The following TNRC6A variants were observed in gnomAD, a reference collection of about 807,000 sequenced individuals.
The protein encoded by TNRC6A is trinucleotide repeat containing adaptor 6A, also known as trinucleotide repeat-containing gene 6A protein.
In TNRC6A, 44 loss-of-function variants were observed where a neutral mutation model predicts 221.2. The observed-to-expected ratio is 0.20, with a 90% CI of 0.16 to 0.26. TNRC6A has a LOEUF of 0.26. TNRC6A is among the 10% of genes least tolerant of loss of function. The probability of loss-of-function intolerance (pLI) is 1.00; values close to 1 mark genes in which losing one functional copy is unlikely to be tolerated. For synonymous variants in TNRC6A, 847 were observed against 838.5 expected, an observed-to-expected ratio of 1.01 and a Z score of -0.18; for missense variants, 2,199 against 2,404.4, an observed-to-expected ratio of 0.91 and a Z score of 1.79.
chr16:24,680,136 A>G lies in TNRC6A; in HGVS notation n.402+39127A>G, dbSNP rs977053186. Reference sequence around the variant, plus strand: ...CACAGTTTTTAAAAATTTTATATGAAGAATATATTTGGCCAGGTACAGTGG... The same window carrying G: ...CACAGTTTTTAAAAATTTTATATGAGGAATATATTTGGCCAGGTACAGTGG... On this transcript the variant is annotated intron_variant and non_coding_transcript_variant, in intron 2 of 2. Coordinates refer to the TNRC6A transcript ENST00000566108. 6.6e-5 allele frequency among the ~76,000 whole-genome samples: 10 copies of G among 152,172 alleles called. No homozygotes were observed. The East Asian group carries it at 1.5e-3, about 24-fold the overall frequency.
At chr16:24,642,440 C>A (rs1208773547) in intron 2 of TNRC6A, among the ~76,000 whole-genome samples, 1 of 152,094 alleles carries the variant, frequency 6.6e-6, no homozygotes, top group Non-Finnish European at 1.5e-5. Flanking sequence ...TAGGTTATAT[C>A]CCATGCAAGG....
intron 2 of TNRC6A, among the ~76,000 whole-genome samples, chr16:24,733,965 A>G (rs899621337): frequency 2.6e-5 from 4 of 152,190 alleles, no homozygotes; most frequent in Admixed American, 6.5e-5. Context: ...TGAGCCCAGG[A>G]GTTTGAGACC....
At chr16:24,743,405 G>A (rs891326962) in intron 2 of TNRC6A, among the ~76,000 whole-genome samples, 4 of 152,002 alleles carry the variant, frequency 2.6e-5, no homozygotes, top group Non-Finnish European at 5.9e-5. Flanking sequence ...CTCACTGTGC[G>A]ACCTCTGCTT....
intron 2 of TNRC6A, among the ~76,000 whole-genome samples, chr16:24,642,948 G>A (rs1902030103): frequency 6.6e-6 from 1 of 150,846 alleles, no homozygotes; most frequent in African/African-American, 2.4e-5. Context: ...GGAGATTGAG[G>A]TGGAAGGATG....
rs769330280 is a variant in TNRC6A at position 24,823,825 on chromosome 16, CACCGACCGGG to C, written c.*22_*31del. ...CCATGTAACAGTGTAGATGCAGACT[CACCGACCGGG>C]ACCTCAGACGCGAGGGAAAGGAGCA... On this transcript the variant is annotated 3_prime_UTR_variant, in exon 25 of 25. Transcript: ENST00000395799. The surrounding 1 kb of genome is among the most constrained non-coding windows in gnomAD (Gnocchi z 4.3). 7.3e-6 allele frequency: 10 copies of C among 1,377,836 alleles called. No homozygotes were observed. The highest frequency in any genetic ancestry group is 1.9e-4 in the Middle Eastern group (1 of 5,206). 85.4% of individuals were successfully genotyped at this position (1,377,836 alleles called of 1,614,324 possible). A position where few individuals can be genotyped will look rare whatever the true frequency, so the allele number is the denominator to read the frequency against.
At chr16:24,652,413 G>A (rs1902723238) in intron 2 of TNRC6A, among the ~76,000 whole-genome samples, 1 of 152,126 alleles carries the variant, frequency 6.6e-6, no homozygotes, top group Admixed American at 6.5e-5. Context: ...CTGAAACTGG[G>A]AAATGCTAGT....
chr16:24,692,708 G>C (rs1217857243), intron 2 of TNRC6A, among the ~76,000 whole-genome samples: 3 of 151,600 alleles, frequency 2.0e-5, no homozygotes, highest in African/African-American at 2.4e-5. Flanking sequence ...GCAAGACCCT[G>C]TCTTAAAAAA....
intron 2 of TNRC6A, among the ~76,000 whole-genome samples, chr16:24,710,521 T>G (rs1287320101): frequency 6.6e-6 from 1 of 152,108 alleles, no homozygotes; most frequent in Non-Finnish European, 1.5e-5. Context: ...GAATTCTTCA[T>G]CTTTGACAGG....
At chr16:24,771,585 TTA>T (rs1211351609) in intron 4 of TNRC6A, among the ~76,000 whole-genome samples, 1 of 30,886 alleles carries the variant, frequency 3.2e-5, no homozygotes, top group African/African-American at 1.4e-4. Flanking sequence ...TGTTATGTTG[TTA>T]TGTTATGTTA....
intron 2 of TNRC6A, among the ~76,000 whole-genome samples, chr16:24,707,365 C>G (rs1462928832): frequency 6.6e-6 from 1 of 151,860 alleles, no homozygotes; most frequent in African/African-American, 2.4e-5. Flanking sequence ...CACACACACA[C>G]ACACACACAC....
intron 2 of TNRC6A, among the ~76,000 whole-genome samples, chr16:24,695,351 G>T (rs2055836594): frequency 6.6e-6 from 1 of 152,074 alleles, no homozygotes; most frequent in South Asian, 2.1e-4. Flanking sequence ...GAAGCCCAGT[G>T]CATAAAAGCC....
At chr16:24,773,643 C>T (rs576143554) in intron 4 of TNRC6A, among the ~76,000 whole-genome samples, 40 of 152,122 alleles carry the variant, frequency 2.6e-4, no homozygotes, top group African/African-American at 8.7e-4. Context: ...TGCTTTTTTC[C>T]GGTTTTCTCT....
intron 3 of TNRC6A, among the ~76,000 whole-genome samples, chr16:24,756,921 T>A (rs903674079): frequency 1.3e-5 from 2 of 152,180 alleles, no homozygotes; most frequent in African/African-American, 2.4e-5. Context: ...TTTCAACGTG[T>A]AAAAGAAATT....
At chr16:24,645,581 A>G (rs1034882956) in intron 2 of TNRC6A, among the ~76,000 whole-genome samples, 1 of 152,020 alleles carries the variant, frequency 6.6e-6, no homozygotes, top group Non-Finnish European at 1.5e-5. Flanking sequence ...ATTAACATGG[A>G]ATGTAAAAGG....
chr16:24,705,409 G>T (rs2056076764), intron 2 of TNRC6A, among the ~76,000 whole-genome samples: 1 of 151,530 alleles, frequency 6.6e-6, no homozygotes, highest in African/African-American at 2.4e-5. Flanking sequence ...TCAGCTCACT[G>T]CAGCCTCCAA....
intron 3 of TNRC6A, among the ~76,000 whole-genome samples, chr16:24,755,236 A>G (rs1469738374): frequency 1.3e-5 from 2 of 152,242 alleles, no homozygotes; most frequent in South Asian, 2.1e-4. Context: ...ATTGAGCTAG[A>G]TTAATTCTTT....
Position 24,777,107 on chromosome 16 carries a change from CACAGCCGCAGCCGCAGCAGCAGCA to C in TNRC6A, c.339_362del (p.Gln114_Gln121del). The C allele has an allele frequency of 9.2e-7, 1 of 1,091,838 alleles. No individual in the cohort carries two copies. The highest frequency in any genetic ancestry group is 1.3e-6 in the Non-Finnish European group (1 of 769,708). 67.6% of individuals were successfully genotyped at this position (1,091,838 alleles called of 1,614,324 possible). On this transcript the variant is annotated inframe_deletion, in exon 5 of 25. Transcript: ENST00000395799. ...CAGCAGCAGCAGCCACAGCAGCAGCCACAGCCGCAGCCGCAGCAGCAGCAGCCACAGCAGCAGCCACAGGCCTTG... is the reference window on the plus strand; with the variant it reads ...CAGCAGCAGCAGCCACAGCAGCAGCCGCCACAGCAGCAGCCACAGGCCTTG...
intron 2 of TNRC6A, among the ~76,000 whole-genome samples, chr16:24,672,670 C>T (rs1275760202): frequency 1.3e-5 from 2 of 151,862 alleles, no homozygotes; most frequent in Admixed American, 6.6e-5. Flanking sequence ...TCTCCAACTC[C>T]TGGGCTCAAG....
At chr16:24,778,201 C>A in intron 5 of TNRC6A, 1 of 721,632 alleles carries the variant, frequency 1.4e-6, no homozygotes, top group Non-Finnish European at 1.7e-6. Context: ...TGTGTGTGAC[C>A]TTGGGCAGGT....
Sources: allele counts gnomAD v4.1 joint callset (sites outside exome capture counted in the v4.1 genomes callset), GRCh38; gene constraint gnomAD v4.1.1; non-coding constraint Gnocchi (gnomAD v3.1); transcripts MANE v1.5; gene names NCBI Gene and HGNC (gene_info 2026-07-23, HGNC 2026-07-21).